Variants in MYH11 observed in about 807,000 individuals in gnomAD.
MYH11 encodes the protein myosin-11.
Under a neutral mutation model 246.6 loss-of-function variants are expected in MYH11, and 80 were observed. That is an observed-to-expected ratio of 0.32 (90% CI 0.27 to 0.39). The LOEUF (loss-of-function observed/expected upper bound fraction) is 0.39. Among genes scored for constraint, MYH11 ranks in the 10% least tolerant of loss-of-function variants. The pLI is 1.00. For missense variants in MYH11, 2,158 were observed against 2,546.8 expected, an observed-to-expected ratio of 0.85 and a Z score of 3.29; for synonymous variants, 1,071 against 1,015.5, an observed-to-expected ratio of 1.05 and a Z score of -1.04.
At chr16:15,742,382 T>G (rs1353300114) in intron 20 of MYH11, among the ~76,000 whole-genome samples, 2 of 152,244 alleles carry the variant, frequency 1.3e-5, no homozygotes, top group Non-Finnish European at 2.9e-5. Context: ...TGGCTCTTTT[T>G]CTATGTTTAA....
chr16:15,784,380 C>A (rs1244921089), intron 5 of MYH11, among the ~76,000 whole-genome samples: 1 of 152,098 alleles, frequency 6.6e-6, no homozygotes, highest in Non-Finnish European at 1.5e-5. Flanking sequence ...TTGTTCCAGT[C>A]AAGGGTACCA....
At chr16:15,757,566 G>C (rs2041760638) in intron 13 of MYH11, among the ~76,000 whole-genome samples, 1 of 146,484 alleles carries the variant, frequency 6.8e-6, no homozygotes, top group African/African-American at 2.5e-5. Context: ...AAGGGAAAGA[G>C]GGTAGGGAAG....
At chr16:15,835,746 A>AT (rs386384349) in intron 2 of MYH11, among the ~76,000 whole-genome samples, 8,688 of 132,044 alleles carry the variant, frequency 0.066, 353 homozygotes, top group Non-Finnish European at 0.093. Flanking sequence ...AGCTGGTACT[A>AT]TTTTTTTTTT....
At chr16:15,721,958 A>C (rs2040510436) in intron 31 of MYH11, among the ~76,000 whole-genome samples, 1 of 152,064 alleles carries the variant, frequency 6.6e-6, no homozygotes, top group Non-Finnish European at 1.5e-5. Context: ...CGTGGGTTCA[A>C]GCGATTCTCC....
At chr16:15,808,523 G>C (rs1373212990) in intron 3 of MYH11, among the ~76,000 whole-genome samples, 1 of 152,160 alleles carries the variant, frequency 6.6e-6, no homozygotes, top group Non-Finnish European at 1.5e-5. Context: ...ATGACATGCT[G>C]AGTAAGAAGA....
At chr16:15,733,074 A>T in intron 26 of MYH11, 1 of 338,916 alleles carries the variant, frequency 3.0e-6, no homozygotes, top group Non-Finnish European at 5.6e-6. Context: ...TACATCATCT[A>T]ATCCTCAGAG....
In MYH11 at chr16:15,703,709, C is replaced by G. The variant is rs539509719; in HGVS notation, c.*282G>C. On this transcript the variant is annotated 3_prime_UTR_variant, in exon 41 of 41. Coordinates refer to ENST00000300036, the MANE Select transcript of MYH11 (RefSeq NM_002474.3). ...GCTGGAGCGTTCTTCCTGGCTCAGC[C>G]TCCCTAGTAGCTGGGACCACAGGTG... 21 of 467,688 alleles carry G rather than the reference C, an allele frequency of 4.5e-5. No individual in the cohort carries two copies. In the East Asian group the frequency reaches 7.2e-4, roughly 16 times the overall value. The allele number at this position is 467,688 out of a possible 1,614,324, so 29.0% of individuals were successfully genotyped here.
chr16:15,839,211 AAAAC>A (rs1322625082), intron 1 of MYH11, among the ~76,000 whole-genome samples: 6 of 151,922 alleles, frequency 3.9e-5, no homozygotes, highest in Non-Finnish European at 7.4e-5. Flanking sequence ...CTCTGCCTTA[AAAAC>A]AAACAAACAA....
At chr16:15,729,006 CCACT>C (rs1379843570) in intron 27 of MYH11, among the ~76,000 whole-genome samples, 1 of 152,074 alleles carries the variant, frequency 6.6e-6, no homozygotes, top group African/African-American at 2.4e-5. Flanking sequence ...ACGAGACCCA[CCACT>C]CAGTCTTCCC....
At position 15,750,088 on chromosome 16, in the gene MYH11, G is replaced by A. The variant is rs1416037534; in HGVS notation, c.2058+50C>T. ...CGCCCTGGGGACGCTGTGACCGCTT[G>A]GGACAGCCCTGGCTTCTGGGAGCCC... On this transcript the variant is annotated intron_variant, in intron 16 of 40. Transcript: ENST00000300036. This position sits in a 1 kb window ranked among gnomAD's most constrained non-coding sequence, Gnocchi z 4.3. The A allele has an allele frequency of 6.2e-7, 1 of 1,608,870 alleles. No individual in the cohort carries two copies. Among genetic ancestry groups the A allele is most frequent in the South Asian group, 1.1e-5 (1 of 90,832 alleles).
chr16:15,737,162 G>C (rs1340859399), intron 25 of MYH11, among the ~76,000 whole-genome samples: 1 of 152,174 alleles, frequency 6.6e-6, no homozygotes, highest in Non-Finnish European at 1.5e-5. Context: ...AGGGGGTCTA[G>C]ATGAGAAAAG....
chr16:15,736,617 G>A (rs1003191844), intron 25 of MYH11, among the ~76,000 whole-genome samples: 1 of 152,166 alleles, frequency 6.6e-6, no homozygotes, highest in Non-Finnish European at 1.5e-5. Context: ...CCAGAGAGAT[G>A]CTTTCCCTTC....
chr16:15,772,435 C>T (rs2151292415), intron 8 of MYH11, among the ~76,000 whole-genome samples: 1 of 152,162 alleles, frequency 6.6e-6, no homozygotes, highest in Admixed American at 6.5e-5. Context: ...CAAACAGGCA[C>T]ATGAGTTTTA....
In MYH11 at chr16:15,724,936, C is replaced by G. The variant is rs1426235666; in HGVS notation, c.3915G>C (p.Lys1305Asn). Reference protein sequence around the residue: ...MLNEAEGKAIKLAKDVASLSS... With the variant: ...MLNEAEGKAINLAKDVASLSS... ...TGAGGGACGCCACGTCCTTGGCCAGCTTAATGGCCTTCCCCTCGGCCTCGT... is the reference window on the plus strand; with the variant it reads ...TGAGGGACGCCACGTCCTTGGCCAGGTTAATGGCCTTCCCCTCGGCCTCGT... The change falls in exon 29 of 41, where the codon AAG becomes AAC. Residue 1305 changes from lysine to asparagine, a missense_variant. Lys to Asn is a moderately conservative substitution (Grantham distance 94). Around this residue, in one of 11 missense-constraint regions of MYH11, gnomAD observed 1,013 missense variants for 993.5 expected, o/e 1.02. Coordinates refer to ENST00000300036, the MANE Select transcript of MYH11 (RefSeq NM_002474.3). 1 of 1,614,140 alleles carries G rather than the reference C, an allele frequency of 6.2e-7. No individual in the cohort carries two copies. The highest frequency in any genetic ancestry group is 1.7e-5 in the Admixed American group (1 of 60,014).
intron 3 of MYH11, among the ~76,000 whole-genome samples, chr16:15,817,259 A>T (rs1201692738): frequency 2.6e-5 from 4 of 152,174 alleles, no homozygotes; most frequent in African/African-American, 9.6e-5. Context: ...TGGGAGGTTG[A>T]GGCGGGCAGA....
chr16:15,802,026 G>A (rs1321185460), intron 3 of MYH11, among the ~76,000 whole-genome samples: 1 of 152,142 alleles, frequency 6.6e-6, no homozygotes, highest in Non-Finnish European at 1.5e-5. Flanking sequence ...GGGACAGGAG[G>A]AAGACCTACT....
intron 1 of MYH11, among the ~76,000 whole-genome samples, chr16:15,845,491 T>C (rs1362333127): frequency 6.6e-6 from 1 of 152,170 alleles, no homozygotes; most frequent in Non-Finnish European, 1.5e-5. Flanking sequence ...CGCTCATTCC[T>C]AACCAATAGC....
At chr16:15,817,947 T>C (rs115947184) in intron 3 of MYH11, among the ~76,000 whole-genome samples, 2,204 of 152,322 alleles carry the variant, frequency 0.014, 55 homozygotes, top group African/African-American at 0.051. Flanking sequence ...TTCTTTTCTA[T>C]AAATAACTCT....
At chr16:15,777,554 C>G (rs1286457565) in intron 7 of MYH11, among the ~76,000 whole-genome samples, 1 of 152,152 alleles carries the variant, frequency 6.6e-6, no homozygotes. Flanking sequence ...GCTCTAAACA[C>G]AGGAAATGAA....
Sources: allele counts gnomAD v4.1 joint callset (sites outside exome capture counted in the v4.1 genomes callset), GRCh38; gene constraint gnomAD v4.1.1; regional missense constraint gnomAD v4.1.1; non-coding constraint Gnocchi (gnomAD v3.1); transcripts MANE v1.5; gene names NCBI Gene and HGNC (gene_info 2026-07-23, HGNC 2026-07-21).